CEP192: variants seen among roughly 807,000 people sequenced by gnomAD.
CEP192 encodes the protein centrosomal protein of 192 kDa.
In CEP192, 151 loss-of-function variants were observed where a neutral mutation model predicts 271.8. The observed-to-expected ratio is 0.56, with a 90% confidence interval of 0.49 to 0.64. CEP192 has a LOEUF of 0.64. CEP192 is among the 30% of genes least tolerant of loss of function. The pLI, the probability that CEP192 is intolerant of heterozygous loss-of-function variation, is 0.00. For missense variants in CEP192, 2,910 were observed against 3,020.5 expected (o/e 0.96, Z 0.86); for synonymous variants, 995 against 1,076.5 (o/e 0.92, Z 1.48).
At chr18:13,066,453 T>G (rs550712582) in intron 21 of CEP192, among the ~76,000 whole-genome samples, 1 of 152,230 alleles carries the variant, frequency 6.6e-6, no homozygotes, top group African/African-American at 2.4e-5. Flanking sequence ...TTAAAAATTT[T>G]TAATGTGAGC....
At chr18:13,058,450 C>T (rs1172484228) in intron 20 of CEP192, 1 of 152,484 alleles carries the variant, frequency 6.6e-6, no homozygotes, top group Non-Finnish European at 1.5e-5. Context: ...AATAAGATCG[C>T]CTCCCCCTAC....
chr18:13,119,615 G>A (rs1047875156), intron 44 of CEP192, among the ~76,000 whole-genome samples: 1 of 152,054 alleles, frequency 6.6e-6, no homozygotes, highest in African/African-American at 2.4e-5. Context: ...GGTGGCAGGC[G>A]CCTGTAATCC....
chr18:13,046,069 G>A (rs979768454), intron 15 of CEP192, among the ~76,000 whole-genome samples: 6 of 152,182 alleles, frequency 3.9e-5, no homozygotes, highest in Admixed American at 3.3e-4. Flanking sequence ...GAGGTTTAAC[G>A]GGCCCATAGT....
In CEP192 at chr18:13,087,572, TA is replaced by T; in HGVS notation, c.5921del (p.Asn1974IlefsTer33). On this transcript the variant is annotated frameshift_variant, in exon 32 of 45. Coordinates refer to ENST00000506447, the MANE Select transcript of CEP192 (RefSeq NM_032142.4). LOFTEE classifies it high-confidence loss of function. Reference protein sequence around the residue: ...IYNPSDRGINNKTATELSTVY... With the variant: ...IYNPSDRGINXKTATELSTVY... ...ATAATCCATCAGACAGAGGAATCAATAATAAAACTGCAACAGAACTATCAAC... is the reference window on the plus strand; with the variant it reads ...ATAATCCATCAGACAGAGGAATCAATATAAAACTGCAACAGAACTATCAAC... 6.3e-7 allele frequency: 1 copy of T among 1,579,522 alleles called. No individual in the cohort carries two copies. The highest frequency in any genetic ancestry group is 8.6e-7 in the Non-Finnish European group (1 of 1,161,136).
chr18:13,063,820 ATTTT>A (rs111552814), intron 21 of CEP192, among the ~76,000 whole-genome samples: 1 of 134,562 alleles, frequency 7.4e-6, no homozygotes. Flanking sequence ...ATTTTCCCCA[ATTTT>A]TTTTTTTTTT....
chr18:13,084,156 G>T (rs2038770973), intron 30 of CEP192, among the ~76,000 whole-genome samples: 1 of 152,166 alleles, frequency 6.6e-6, no homozygotes, highest in Non-Finnish European at 1.5e-5. Flanking sequence ...TCTCTTCAGA[G>T]CTGTCAGACA....
rs2036649612 is a variant in CEP192, at chr18:13,049,354, CAA to C, written c.2564_2565del (p.Gln855ArgfsTer4). ...TGTTGAAAATGGAGAGAGTGAGAAT[CAA>C]GAGTCATTTAGAACCATAAACTCCT... Reference protein sequence around the residue: ...VYVENGESENQESFRTINSSN... With the variant: ...VYVENGESENXESFRTINSSN... On this transcript the variant is annotated frameshift_variant, in exon 16 of 45. Coordinates refer to ENST00000506447, the MANE Select transcript of CEP192 (RefSeq NM_032142.4). LOFTEE classifies it high-confidence loss of function. 1.2e-6 allele frequency: 2 copies of C among 1,613,948 alleles called. No individual in the cohort carries two copies. The highest frequency in any genetic ancestry group is 1.7e-6 in the Non-Finnish European group (2 of 1,180,002).
At chr18:13,056,792 T>A in intron 19 of CEP192, 94 bp downstream of exon 19, 1 of 1,025,094 alleles carries the variant, frequency 9.8e-7, no homozygotes, top group Non-Finnish European at 1.4e-6. Context: ...TGGTTAGCAT[T>A]AATTCCTTGT....
At chr18:13,013,422 A>G (rs543730305) in intron 5 of CEP192, among the ~76,000 whole-genome samples, 1 of 152,206 alleles carries the variant, frequency 6.6e-6, no homozygotes, top group African/African-American at 2.4e-5. Flanking sequence ...TAATTTGTTA[A>G]ATGATAGAGA....
At chr18:13,045,152 A>G (rs1047439055) in intron 15 of CEP192, among the ~76,000 whole-genome samples, 16 of 152,084 alleles carry the variant, frequency 1.1e-4, no homozygotes, top group African/African-American at 3.4e-4. Context: ...TAATCTCACC[A>G]GATACTTTCA....
intron 37 of CEP192, among the ~76,000 whole-genome samples, chr18:13,099,998 A>T (rs151210979): frequency 6.0e-4 from 92 of 152,318 alleles, no homozygotes; most frequent in African/African-American, 2.2e-3. Flanking sequence ...TCTGAGGCCA[A>T]CTAGTTAGAG....
chr18:13,123,382 A>G (rs1313830515), intron 44 of CEP192, among the ~76,000 whole-genome samples: 1 of 152,236 alleles, frequency 6.6e-6, no homozygotes, highest in Non-Finnish European at 1.5e-5. Flanking sequence ...AGATATATTT[A>G]AGAACATACA....
intron 40 of CEP192, among the ~76,000 whole-genome samples, chr18:13,106,015 T>C (rs559372894): frequency 6.6e-6 from 1 of 152,296 alleles, no homozygotes; most frequent in South Asian, 2.1e-4. Flanking sequence ...ATGCTGTTCC[T>C]ATCAAACTGC....
intron 4 of CEP192, among the ~76,000 whole-genome samples, chr18:13,009,816 G>A (rs1033230271): frequency 1.3e-5 from 2 of 152,202 alleles, no homozygotes; most frequent in Non-Finnish European, 2.9e-5. Context: ...CTGGGTGACA[G>A]TGTAAGCCTT....
chr18:13,004,809 G>A (rs2033877723), intron 3 of CEP192, among the ~76,000 whole-genome samples: 1 of 152,200 alleles, frequency 6.6e-6, no homozygotes, highest in African/African-American at 2.4e-5. Context: ...ACATTGAGCT[G>A]TAGGAGTGCA....
chr18:13,037,086 T>C (rs2035958398), intron 11 of CEP192, 151 bp from the exon 12 acceptor site: 1 of 533,972 alleles, frequency 1.9e-6, no homozygotes, highest in East Asian at 3.4e-5. Flanking sequence ...GACTTAAGCA[T>C]TTAATACAGA....
At chr18:13,072,708 A>G in intron 28 of CEP192, 47 bp from the exon 29 acceptor site, 1 of 1,240,246 alleles carries the variant, frequency 8.1e-7, no homozygotes, top group Non-Finnish European at 1.2e-6. Context: ...TAATGGTAGC[A>G]ATATCCATGG....
chr18:13,046,971 A>G (rs1436776790), intron 15 of CEP192, among the ~76,000 whole-genome samples: 2 of 151,920 alleles, frequency 1.3e-5, no homozygotes, highest in African/African-American at 4.8e-5. Context: ...AGCACTTTGA[A>G]TGTATTTTTT....
chr18:13,096,391 A>G, intron 36 of CEP192, 84 bp downstream of exon 36: 1 of 1,535,206 alleles, frequency 6.5e-7, no homozygotes, highest in Non-Finnish European at 8.8e-7. Context: ...ATGTCATTGT[A>G]GTTTATCCAG....
Sources: gnomAD v4.1 joint callset for allele counts (sites outside exome capture counted in the v4.1 genomes callset) on GRCh38, gnomAD v4.1.1 for gene constraint, MANE v1.5 for transcripts, NCBI Gene and HGNC (gene_info 2026-07-23, HGNC 2026-07-21) for gene names.